CNGB3: variants seen among roughly 807,000 people sequenced by gnomAD.
CNGB3 encodes the protein cyclic nucleotide-gated channel beta-3.
In CNGB3, 86 loss-of-function variants were observed where a neutral mutation model predicts 92.8. That is an observed-to-expected ratio of 0.93 (90% CI 0.78 to 1.11). The LOEUF (loss-of-function observed/expected upper bound fraction) is 1.11. Among genes scored for constraint, CNGB3 ranks in the 50% least tolerant of loss-of-function variants. The pLI, the probability that CNGB3 is intolerant of heterozygous loss-of-function variation, is 0.00. For synonymous variants in CNGB3, 333 were observed against 332.7 expected, an observed-to-expected ratio of 1.00 and a Z score of -0.01; for missense variants, 1,026 against 956.8, an observed-to-expected ratio of 1.07 and a Z score of -0.95.
intron 3 of CNGB3, among the ~76,000 whole-genome samples, chr8:86,718,530 A>G (rs1824907124): frequency 6.6e-6 from 1 of 152,088 alleles, no homozygotes; most frequent in Admixed American, 6.6e-5. Flanking sequence ...TAATAAAAAA[A>G]TTGCCAAGAA....
Position 86,724,883 on chromosome 8 carries a change from C to A in CNGB3, c.338+1648G>T, listed in dbSNP as rs80032739. Reference sequence around the variant, plus strand: ...TGAAATAGAACAGGTGTGACTGGAGCAGAGAGGTGGGAAAGTTGTGTGTTG... The same window carrying A: ...TGAAATAGAACAGGTGTGACTGGAGAAGAGAGGTGGGAAAGTTGTGTGTTG... On this transcript the variant is annotated intron_variant, in intron 3 of 17. Coordinates refer to ENST00000320005, the MANE Select transcript of CNGB3 (RefSeq NM_019098.5). Among the ~76,000 whole-genome samples, 437 of 152,082 alleles carry A rather than the reference C, an allele frequency of 2.9e-3. 3 individuals are homozygous for A. Among genetic ancestry groups the A allele is most frequent in the African/African-American group, 0.01 (424 of 41,524 alleles).
chr8:86,694,202 G>T (rs571823596), intron 3 of CNGB3, among the ~76,000 whole-genome samples: 2 of 146,650 alleles, frequency 1.4e-5, no homozygotes, highest in Middle Eastern at 3.7e-3. Context: ...CCTCCCGGAC[G>T]GGGCGGCTGG....
At chr8:86,641,555 T>C (rs1199731211) in intron 10 of CNGB3, among the ~76,000 whole-genome samples, 13 of 151,942 alleles carry the variant, frequency 8.6e-5, no homozygotes, top group Non-Finnish European at 2.9e-5. Context: ...CTGCCTTTCC[T>C]GTACTTCTCC....
intron 2 of CNGB3, among the ~76,000 whole-genome samples, chr8:86,733,067 ATAGT>A (rs1423054828): frequency 2.6e-5 from 4 of 151,970 alleles, no homozygotes; most frequent in Non-Finnish European, 5.9e-5. Flanking sequence ...CTAAGGTGAA[ATAGT>A]TAGTTTTTCA....
chr8:86,597,981 T>TAAATA (rs139846097), intron 15 of CNGB3, among the ~76,000 whole-genome samples: 3,905 of 111,060 alleles, frequency 0.035, 159 homozygotes, highest in African/African-American at 0.13. Flanking sequence ...TCATCTCAAA[T>TAAATA]AAATAAAATA....
chr8:86,647,699 T>C (rs541380126), intron 8 of CNGB3, 102 bp downstream of exon 8: 4 of 728,266 alleles, frequency 5.5e-6, no homozygotes, highest in African/African-American at 5.4e-5. Flanking sequence ...TTAAGAATAT[T>C]GATCATTTTA....
intron 11 of CNGB3, among the ~76,000 whole-genome samples, chr8:86,629,784 T>C (rs1233499012): frequency 6.6e-6 from 1 of 152,180 alleles, no homozygotes; most frequent in South Asian, 2.1e-4. Context: ...TGGATGTTTA[T>C]AACTCACCCA....
At chr8:86,619,396 A>G (rs1160753547) in intron 13 of CNGB3, among the ~76,000 whole-genome samples, 1 of 152,200 alleles carries the variant, frequency 6.6e-6, no homozygotes, top group African/African-American at 2.4e-5. Flanking sequence ...GGCCTGGAAT[A>G]ACGTGAAATC....
At chr8:86,694,999 T>C (rs1279701372) in intron 3 of CNGB3, among the ~76,000 whole-genome samples, 1 of 152,186 alleles carries the variant, frequency 6.6e-6, no homozygotes, top group African/African-American at 2.4e-5. Context: ...CACTCCAGCC[T>C]GGGCATCATT....
chr8:86,644,540 G>C, intron 9 of CNGB3, 82 bp downstream of exon 9: 1 of 1,546,014 alleles, frequency 6.5e-7, no homozygotes, highest in Non-Finnish European at 8.8e-7. Flanking sequence ...GAAGAGGGGG[G>C]TCATATCCCT....
intron 15 of CNGB3, chr8:86,594,354 C>A: frequency 3.1e-6 from 1 of 321,280 alleles, no homozygotes; most frequent in South Asian, 2.8e-5. Flanking sequence ...TGCAGCAGGT[C>A]CACGGCCTCC....
intron 6 of CNGB3, among the ~76,000 whole-genome samples, chr8:86,656,533 G>A (rs1380652556): frequency 6.6e-6 from 1 of 152,094 alleles, no homozygotes; most frequent in African/African-American, 2.4e-5. Flanking sequence ...TTTTTAAAAT[G>A]TCACCCCACT....
At chr8:86,623,512 AC>A (rs1404814824) in intron 13 of CNGB3, among the ~76,000 whole-genome samples, 1 of 152,114 alleles carries the variant, frequency 6.6e-6, no homozygotes, top group African/African-American at 2.4e-5. Context: ...ATAGTGGAAG[AC>A]TAGGAGGGCA....
In CNGB3 at chr8:86,580,919, C is replaced by T. The variant is rs370084437; in HGVS notation, c.1782-1667G>A. Among the ~76,000 whole-genome samples the T allele has an allele frequency of 2.0e-5, 3 of 152,342 alleles. No homozygotes were observed. In the East Asian group the frequency reaches 5.8e-4, roughly 29 times the overall value. On this transcript the variant is annotated intron_variant, in intron 15 of 17. Transcript: ENST00000320005. ...ACAGGTGGAGAAGACAGAGAAAACA[C>T]TCTGACCTTTGGAAGCAATGAGATA...
intron 2 of CNGB3, among the ~76,000 whole-genome samples, chr8:86,735,229 G>A (rs183087376): frequency 3.1e-4 from 40 of 130,324 alleles, no homozygotes; most frequent in Admixed American, 1.2e-3. Context: ...TGCAAGCTCC[G>A]CTTCCAGGGT....
At chr8:86,658,022 C>A in intron 6 of CNGB3, 1 of 545,550 alleles carries the variant, frequency 1.8e-6, no homozygotes, top group South Asian at 1.6e-5. Context: ...TCCTTCAGGT[C>A]CACCTTCTCC....
chr8:86,640,674 G>A (rs774804034), intron 10 of CNGB3, among the ~76,000 whole-genome samples: 1 of 151,946 alleles, frequency 6.6e-6, no homozygotes, highest in Non-Finnish European at 1.5e-5. Flanking sequence ...GCAAATAAAA[G>A]CCAATTAAGA....
chr8:86,610,049 T>G (rs1368254577), intron 14 of CNGB3, among the ~76,000 whole-genome samples: 2 of 152,160 alleles, frequency 1.3e-5, no homozygotes, highest in African/African-American at 4.8e-5. Context: ...TTATAGCTTG[T>G]CTCTCGCATG....
At chr8:86,593,855 AC>A in intron 15 of CNGB3, 3 of 807,764 alleles carry the variant, frequency 3.7e-6, no homozygotes, top group Admixed American at 1.9e-5. Context: ...GAACTCCTGG[AC>A]CCCGGGCAGC....
Sources: gnomAD v4.1 joint callset for allele counts (sites outside exome capture counted in the v4.1 genomes callset) on GRCh38, gnomAD v4.1.1 for gene constraint, MANE v1.5 for transcripts, NCBI Gene and HGNC (gene_info 2026-07-23, HGNC 2026-07-21) for gene names.